Variants in CENPP observed in about 807,000 individuals in gnomAD.
CENPP encodes centromere protein P.
A neutral mutation model predicts 35.6 loss-of-function variants in CENPP; 24 were observed. The ratio of observed to expected loss-of-function variants is 0.67; its 90% CI spans 0.49 to 0.95. The LOEUF is 0.95. Ranked by LOEUF, CENPP falls within the 40% of genes least tolerant of loss-of-function variation. The pLI is 0.00. For synonymous variants in CENPP, 120 were observed against 125.5 expected, an observed-to-expected ratio of 0.96 and a Z score of 0.29; for missense variants, 332 against 345.3, an observed-to-expected ratio of 0.96 and a Z score of 0.31.
In CENPP at chr9:92,612,625, G is replaced by A; in HGVS notation, c.736+11G>A. On this transcript the variant is annotated intron_variant, in intron 7 of 7. Coordinates refer to ENST00000375587, the MANE Select transcript of CENPP (RefSeq NM_001012267.3). ...AAGTCCCACAGCGAGGTAGGGCCCT[G>A]GGTGTGGCTGCTCTAGGTGACTTCT... 6.2e-7 allele frequency: 1 copy of A among 1,606,220 alleles called. No individual in the cohort carries two copies. Among genetic ancestry groups the A allele is most frequent in the Non-Finnish European group, 8.5e-7 (1 of 1,172,792 alleles).
At chr9:92,357,933 G>A (rs1841636816) in intron 4 of CENPP, among the ~76,000 whole-genome samples, 1 of 151,840 alleles carries the variant, frequency 6.6e-6, no homozygotes, top group Non-Finnish European at 1.5e-5. Context: ...AAAATCTGCT[G>A]ATCATTTTAT....
At chr9:92,495,237 C>A (rs1197365368) in intron 5 of CENPP, 3 of 643,618 alleles carry the variant, frequency 4.7e-6, no homozygotes, top group East Asian at 2.8e-4. Flanking sequence ...AGACATAAAA[C>A]TGAGAGTAAC....
intron 4 of CENPP, among the ~76,000 whole-genome samples, chr9:92,350,350 C>T (rs1474967882): frequency 6.6e-6 from 1 of 152,196 alleles, no homozygotes; most frequent in African/African-American, 2.4e-5. Context: ...TGAGAGCCAA[C>T]ACCCACACCC....
intron 5 of CENPP, among the ~76,000 whole-genome samples, chr9:92,533,328 A>AAAAATATATATATATATATATATATATAT (rs1554683138): frequency 2.6e-5 from 1 of 38,334 alleles, no homozygotes; most frequent in Non-Finnish European, 4.3e-5. Context: ...AAAAAAAAAA[A>AAAAATATATATATATATATATATATATAT]ATATATATAT....
chr9:92,485,232 C>A (rs1035667680), intron 5 of CENPP, among the ~76,000 whole-genome samples: 1 of 152,176 alleles, frequency 6.6e-6, no homozygotes, highest in Non-Finnish European at 1.5e-5. Flanking sequence ...GAAAAATCTT[C>A]CATTTTTGTT....
At chr9:92,550,029 T>C (rs914597327) in intron 5 of CENPP, among the ~76,000 whole-genome samples, 1 of 152,148 alleles carries the variant, frequency 6.6e-6, no homozygotes, top group African/African-American at 2.4e-5. Context: ...GTACTCAGCA[T>C]GATAACAGAG....
intron 5 of CENPP, among the ~76,000 whole-genome samples, chr9:92,577,945 C>T (rs1850324373): frequency 1.8e-5 from 2 of 113,886 alleles, no homozygotes; most frequent in African/African-American, 6.6e-5. Flanking sequence ...GCTATCCCTC[C>T]CCCCTCCCCC....
At chr9:92,381,717 T>C (rs574618921) in intron 5 of CENPP, among the ~76,000 whole-genome samples, 1 of 152,346 alleles carries the variant, frequency 6.6e-6, no homozygotes, top group South Asian at 2.1e-4. Flanking sequence ...TTGCACCTCT[T>C]TCAATTCTTT....
upstream of CENPP, chr9:92,325,896 G>A: frequency 1.1e-6 from 1 of 948,002 alleles, no homozygotes; most frequent in Non-Finnish European, 1.6e-6. Context: ...TGAGCTCTGG[G>A]ATGGTCCGCG....
At chr9:92,421,429 C>T (rs1238273308) in intron 5 of CENPP, among the ~76,000 whole-genome samples, 1 of 152,194 alleles carries the variant, frequency 6.6e-6, no homozygotes, top group African/African-American at 2.4e-5. Context: ...TGTGATTTCA[C>T]ACTACAGTCA....
chr9:92,389,547 TGTAA>T (rs1378437747), intron 5 of CENPP: 2 of 202,430 alleles, frequency 9.9e-6, no homozygotes, highest in African/African-American at 4.6e-5. Flanking sequence ...TTTCGTAGAC[TGTAA>T]GTGTCATGAG....
At chr9:92,379,977 T>C in intron 5 of CENPP, 118 bp downstream of exon 5, 1 of 661,314 alleles carries the variant, frequency 1.5e-6, no homozygotes, top group Non-Finnish European at 2.6e-6. Context: ...ATATTCTCAT[T>C]GACTTTTGGA....
At chr9:92,458,877 A>G (rs1844983935) in intron 5 of CENPP, among the ~76,000 whole-genome samples, 1 of 152,176 alleles carries the variant, frequency 6.6e-6, no homozygotes, top group Non-Finnish European at 1.5e-5. Context: ...TTGTATCTCA[A>G]AGGAGTACAG....
chr9:92,449,481 C>T (rs1455319470), intron 5 of CENPP, among the ~76,000 whole-genome samples: 1 of 113,866 alleles, frequency 8.8e-6, no homozygotes, highest in South Asian at 3.2e-4. Context: ...AAAAAAAATA[C>T]CAGATATAAG....
chr9:92,603,564 C>T (rs1459578523), intron 5 of CENPP, among the ~76,000 whole-genome samples: 1 of 152,152 alleles, frequency 6.6e-6, no homozygotes, highest in Non-Finnish European at 1.5e-5. Context: ...GGAGCTGTTG[C>T]CCACTCCCTC....
At chr9:92,403,157 C>T in intron 5 of CENPP, 1 of 908,188 alleles carries the variant, frequency 1.1e-6, no homozygotes, top group Non-Finnish European at 1.7e-6. Flanking sequence ...CCTTATCAGA[C>T]ACATTCAGGA....
rs191151716 is a variant in CENPP, at chr9:92,356,483, C to A, written c.467+10696C>A. 6.5e-4 allele frequency among the ~76,000 whole-genome samples: 99 copies of A among 152,334 alleles called. 2 individuals carry two copies. The highest frequency in any genetic ancestry group is 6.2e-3 in the Admixed American group (95 of 15,298). On this transcript the variant is annotated intron_variant, in intron 4 of 7. Coordinates refer to ENST00000375587, the MANE Select transcript of CENPP (RefSeq NM_001012267.3). ...ACTGATTTCATATTGTTCAAACACA[C>A]ATGTTTTACAATCAATTAGTACAGT...
chr9:92,525,031 G>A (rs1848305828), intron 5 of CENPP, among the ~76,000 whole-genome samples: 1 of 152,202 alleles, frequency 6.6e-6, no homozygotes, highest in Non-Finnish European at 1.5e-5. Context: ...TACCTGAGAG[G>A]CCAGGCACTG....
At chr9:92,369,259 T>C (rs920193282) in intron 4 of CENPP, among the ~76,000 whole-genome samples, 2 of 152,106 alleles carry the variant, frequency 1.3e-5, no homozygotes, top group Non-Finnish European at 2.9e-5. Flanking sequence ...CAAGAGCTTT[T>C]ATTGTGGTCT....
Sources: gnomAD v4.1 joint callset for allele counts (sites outside exome capture counted in the v4.1 genomes callset) on GRCh38, gnomAD v4.1.1 for gene constraint, MANE v1.5 for transcripts, NCBI Gene and HGNC (gene_info 2026-07-23, HGNC 2026-07-21) for gene names.